DACH2: variants seen among roughly 807,000 people sequenced by gnomAD.
DACH2 encodes dachshund family transcription factor 2.
DACH2 carries 17 observed loss-of-function variants against 35.8 expected under a neutral mutation model. The ratio of observed to expected loss-of-function variants is 0.48; its 90% CI spans 0.33 to 0.71. The LOEUF (loss-of-function observed/expected upper bound fraction) is 0.71. Among genes scored for constraint, DACH2 ranks in the 30% least tolerant of loss-of-function variants. DACH2 has a pLI of 0.02. For missense variants in DACH2, 469 were observed against 472.7 expected (o/e 0.99, Z 0.07); for synonymous variants, 195 against 177.3 (o/e 1.10, Z -0.79).
intron 4 of DACH2, among the ~76,000 whole-genome samples, chrX:86,680,876 C>A (rs1254442490): frequency 1.8e-5 from 2 of 109,942 alleles, no homozygotes; most frequent in East Asian, 2.9e-4. Flanking sequence ...CTGGTCTTGA[C>A]CCCTTGGCCT....
intron 2 of DACH2, among the ~76,000 whole-genome samples, chrX:86,487,664 TTTAC>T (rs2038037721): frequency 8.9e-6 from 1 of 111,933 alleles, no homozygotes; most frequent in African/African-American, 3.2e-5. Context: ...CAACTTTTCT[TTTAC>T]TTCATTAGAT....
intron 2 of DACH2, among the ~76,000 whole-genome samples, chrX:86,500,956 G>A (rs1471591033): frequency 2.7e-5 from 3 of 111,630 alleles, no homozygotes; most frequent in Non-Finnish European, 3.8e-5. Flanking sequence ...AAGGGAGGCA[G>A]ATTGTGCTTG....
chrX:86,160,934 A>C (rs747925579), intron 1 of DACH2: 2 of 734,341 alleles, frequency 2.7e-6, no homozygotes, highest in African/African-American at 2.1e-5. Flanking sequence ...TGTCAGTTGG[A>C]CCAGATGGTG....
At chrX:86,221,598 C>T (rs978246369) in intron 1 of DACH2, among the ~76,000 whole-genome samples, 1 of 111,712 alleles carries the variant, frequency 9.0e-6, no homozygotes, top group Non-Finnish European at 1.9e-5. Context: ...TATAAAAATG[C>T]CATTTGGATT....
chrX:86,182,958 A>G (rs1476326147), intron 1 of DACH2, among the ~76,000 whole-genome samples: 1 of 111,643 alleles, frequency 9.0e-6, no homozygotes, highest in African/African-American at 3.3e-5. Flanking sequence ...GAGTTCACTC[A>G]TGACTTGGTT....
chrX:86,338,046 G>A (rs751872934), intron 1 of DACH2, among the ~76,000 whole-genome samples: 4 of 111,788 alleles, frequency 3.6e-5, no homozygotes, highest in Non-Finnish European at 5.6e-5. Context: ...CCCAATACGG[G>A]AGCACTCAAA....
chrX:86,198,682 C>T (rs1351960005), intron 1 of DACH2, among the ~76,000 whole-genome samples: 2 of 111,255 alleles, frequency 1.8e-5, no homozygotes, highest in Non-Finnish European at 3.8e-5. Context: ...GGATAAATTT[C>T]TGGAAAAATA....
intron 1 of DACH2, among the ~76,000 whole-genome samples, chrX:86,257,649 C>A (rs2033547117): frequency 9.0e-6 from 1 of 111,609 alleles, no homozygotes; most frequent in Non-Finnish European, 1.9e-5. Flanking sequence ...GTCAAGAGAT[C>A]CTCCCACCTA....
chrX:86,358,357 AGTTTT>A (rs1480490157), intron 1 of DACH2, among the ~76,000 whole-genome samples: 1 of 109,080 alleles, frequency 9.2e-6, no homozygotes, highest in African/African-American at 3.3e-5. Flanking sequence ...GTTCTTATTT[AGTTTT>A]AAGTACGATT....
At chrX:86,340,641 G>A (rs747691784) in intron 1 of DACH2, among the ~76,000 whole-genome samples, 7 of 111,856 alleles carry the variant, frequency 6.3e-5, no homozygotes, top group African/African-American at 1.9e-4. Context: ...TAAGCTTAGC[G>A]AGGAAGACAT....
At chrX:86,176,406 G>T (rs753259971) in intron 1 of DACH2, among the ~76,000 whole-genome samples, 2 of 110,836 alleles carry the variant, frequency 1.8e-5, no homozygotes, top group South Asian at 7.7e-4. Flanking sequence ...TGACTGAAGC[G>T]CAGAGGACAA....
intron 3 of DACH2, among the ~76,000 whole-genome samples, chrX:86,570,280 ATGCACGTGTATGTTCAT>A (rs1475311977): frequency 9.0e-6 from 1 of 111,663 alleles, no homozygotes; most frequent in Admixed American, 9.6e-5. Flanking sequence ...ACAAAGATAC[ATGCACGTGTATGTTCAT>A]TGCAGCACTA....
intron 7 of DACH2, among the ~76,000 whole-genome samples, chrX:86,765,291 A>AT (rs1260923767): frequency 1.8e-5 from 2 of 111,447 alleles, no homozygotes; most frequent in African/African-American, 3.3e-5. Flanking sequence ...TTAGCCATAA[A>AT]TTTTTTGCCA....
chrX:86,368,310 A>G (rs2035834869), intron 1 of DACH2, among the ~76,000 whole-genome samples: 1 of 111,377 alleles, frequency 9.0e-6, no homozygotes, highest in South Asian at 3.7e-4. Flanking sequence ...TTAGATCGTA[A>G]TATTCCTGAT....
intron 1 of DACH2, among the ~76,000 whole-genome samples, chrX:86,371,776 C>A (rs1282513576): frequency 9.0e-6 from 1 of 111,057 alleles, no homozygotes; most frequent in Non-Finnish European, 1.9e-5. Flanking sequence ...CAACAGTTAA[C>A]ATGATTTGGT....
chrX:86,648,558 T>C (rs1367149902), intron 3 of DACH2, among the ~76,000 whole-genome samples: 2 of 111,001 alleles, frequency 1.8e-5, no homozygotes, highest in African/African-American at 6.5e-5. Flanking sequence ...TGCTTTCCTA[T>C]CCTTGAGTAT....
chrX:86,297,745 A>T (rs1036458363), intron 1 of DACH2, among the ~76,000 whole-genome samples: 7 of 112,320 alleles, frequency 6.2e-5, no homozygotes, highest in African/African-American at 2.3e-4. Context: ...ATAAAGGATA[A>T]AGTAAAAATA....
rs912785113 is a variant in DACH2 at position 86,601,115 on chromosome X, C to G, written c.641-49921C>G. 2.7e-5 allele frequency among the ~76,000 whole-genome samples: 3 copies of G among 111,046 alleles called. No individual in the cohort carries two copies. In the Admixed American group the frequency reaches 2.9e-4, roughly 11 times the overall value. The stretch of plus-strand genomic sequence containing the variant: ...ATTAAAGGGGGCTTTCTATATTCCT[C>G]TCTGTACCCCAGTGCCTATTCATGG... On this transcript the variant is annotated intron_variant, in intron 3 of 11. Coordinates refer to ENST00000373125, the MANE Select transcript of DACH2 (RefSeq NM_053281.3).
intron 1 of DACH2, among the ~76,000 whole-genome samples, chrX:86,291,737 T>G (rs1488753588): frequency 9.2e-5 from 8 of 87,181 alleles, no homozygotes; most frequent in African/African-American, 1.9e-4. Context: ...TTATTGATTT[T>G]CGCATATTGA....
Sources: allele counts gnomAD v4.1 joint callset (sites outside exome capture counted in the v4.1 genomes callset), GRCh38; gene constraint gnomAD v4.1.1; transcripts MANE v1.5; gene names NCBI Gene and HGNC (gene_info 2026-07-23, HGNC 2026-07-21).